Variants in KAT6B observed in about 807,000 individuals in gnomAD.
The protein encoded by KAT6B is histone acetyltransferase KAT6B.
KAT6B carries 10 observed loss-of-function variants against 187.5 expected under a neutral mutation model. The observed-to-expected ratio is 0.05, with a 90% CI of 0.03 to 0.09. The LOEUF (loss-of-function observed/expected upper bound fraction) is 0.09. KAT6B is among the 10% of genes least tolerant of loss of function. The pLI is 1.00. For missense variants in KAT6B, 1,952 were observed against 2,558.9 expected, an observed-to-expected ratio of 0.76 and a Z score of 5.12; for synonymous variants, 861 against 926.8, an observed-to-expected ratio of 0.93 and a Z score of 1.29.
At chr10:74,986,581 A>C (rs1385844453) in intron 12 of KAT6B, among the ~76,000 whole-genome samples, 1 of 152,242 alleles carries the variant, frequency 6.6e-6, no homozygotes, top group Non-Finnish European at 1.5e-5. Context: ...ATTCATGGAA[A>C]ACTGTCTCAG....
chr10:74,873,049 T>C (rs892568391), intron 3 of KAT6B, among the ~76,000 whole-genome samples: 7 of 152,178 alleles, frequency 4.6e-5, no homozygotes, highest in African/African-American at 1.7e-4. Context: ...TCTTTACAAC[T>C]TATTCTCAAA....
At chr10:75,010,149 G>T (rs1458473579) in intron 13 of KAT6B, among the ~76,000 whole-genome samples, 1 of 152,138 alleles carries the variant, frequency 6.6e-6, no homozygotes, top group Non-Finnish European at 1.5e-5. Flanking sequence ...TAACCCTGGG[G>T]GGACACAACC....
At chr10:75,018,785 C>G (rs1412052615) in intron 13 of KAT6B, among the ~76,000 whole-genome samples, 1 of 152,124 alleles carries the variant, frequency 6.6e-6, no homozygotes, top group African/African-American at 2.4e-5. Context: ...AGTAGAGGAC[C>G]TGGGGACTTT....
chr10:74,952,084 G>A (rs1374990809), intron 3 of KAT6B, among the ~76,000 whole-genome samples: 1 of 152,204 alleles, frequency 6.6e-6, no homozygotes, highest in Non-Finnish European at 1.5e-5. Context: ...GCCGAGCACA[G>A]TGGCTCACAT....
intron 3 of KAT6B, among the ~76,000 whole-genome samples, chr10:74,868,767 T>G (rs767967248): frequency 6.6e-6 from 1 of 152,202 alleles, no homozygotes; most frequent in South Asian, 2.1e-4. Context: ...CGTTTATATA[T>G]GCTCTTTCAT....
At chr10:74,852,027 T>C (rs899426341) in intron 3 of KAT6B, among the ~76,000 whole-genome samples, 5 of 152,196 alleles carry the variant, frequency 3.3e-5, no homozygotes, top group African/African-American at 1.2e-4. Flanking sequence ...GTCCATATTG[T>C]TCTTTGATGT....
upstream of KAT6B, among the ~76,000 whole-genome samples, chr10:74,826,058 C>G (rs1277223397): frequency 6.6e-6 from 1 of 151,998 alleles, no homozygotes; most frequent in Admixed American, 6.5e-5. Flanking sequence ...GCGCGCCCGC[C>G]CGCGCCCACC....
chr10:74,952,846 ATTTTTT>A (rs34687036), intron 3 of KAT6B, among the ~76,000 whole-genome samples: 19 of 90,538 alleles, frequency 2.1e-4, no homozygotes, highest in African/African-American at 6.1e-4. Flanking sequence ...TGCCTGGCTA[ATTTTTT>A]TTTTTTTTTT....
At chr10:74,973,455 A>G (rs1428063500) in intron 7 of KAT6B, among the ~76,000 whole-genome samples, 3 of 152,198 alleles carry the variant, frequency 2.0e-5, no homozygotes, top group Non-Finnish European at 4.4e-5. Context: ...CCAACAGACT[A>G]CCACCATCTT....
At chr10:75,021,325 A>G (rs1355657172) in intron 15 of KAT6B, 40 bp downstream of exon 15, 2 of 1,599,296 alleles carry the variant, frequency 1.3e-6, no homozygotes, top group African/African-American at 1.3e-5. Flanking sequence ...TGTAACTTCA[A>G]TCTTGTAGCA....
At chr10:74,866,303 G>A (rs1212295456) in intron 3 of KAT6B, among the ~76,000 whole-genome samples, 1 of 151,628 alleles carries the variant, frequency 6.6e-6, no homozygotes, top group Non-Finnish European at 1.5e-5. Flanking sequence ...ATGGTGAAGT[G>A]TCTTGATGTT....
intron 13 of KAT6B, among the ~76,000 whole-genome samples, chr10:75,010,116 C>T (rs762562614): frequency 2.0e-5 from 3 of 152,236 alleles, no homozygotes; most frequent in Non-Finnish European, 4.4e-5. Context: ...TTGTGCTGCA[C>T]AGCTTCAGAG....
At chr10:74,951,770 C>T (rs988444745) in intron 3 of KAT6B, among the ~76,000 whole-genome samples, 1 of 152,168 alleles carries the variant, frequency 6.6e-6, no homozygotes, top group African/African-American at 2.4e-5. Flanking sequence ...ACCCACCTTG[C>T]CATTGATGGT....
intron 3 of KAT6B, among the ~76,000 whole-genome samples, chr10:74,848,204 CCT>C (rs1730722745): frequency 6.6e-6 from 1 of 152,212 alleles, no homozygotes; most frequent in African/African-American, 2.4e-5. Context: ...TAGGCATGAG[CCT>C]CTGTGCCTGG....
chr10:74,956,219 T>A (rs1840684962), intron 3 of KAT6B, among the ~76,000 whole-genome samples: 1 of 152,184 alleles, frequency 6.6e-6, no homozygotes. Context: ...CAATTTGGAT[T>A]TGCCTGATTG....
At chr10:74,883,875 T>C (rs974968740) in intron 3 of KAT6B, among the ~76,000 whole-genome samples, 1 of 152,206 alleles carries the variant, frequency 6.6e-6, no homozygotes, top group African/African-American at 2.4e-5. Context: ...GGGAAAAACT[T>C]TTCTATTGAG....
chr10:74,987,678 C>T (rs886182225), intron 12 of KAT6B, among the ~76,000 whole-genome samples: 3 of 152,198 alleles, frequency 2.0e-5, no homozygotes, highest in African/African-American at 4.8e-5. Flanking sequence ...TTATTTTATT[C>T]ATAGCTTAGA....
intron 17 of KAT6B, among the ~76,000 whole-genome samples, chr10:75,027,570 T>G (rs1845962632): frequency 6.6e-6 from 1 of 151,878 alleles, no homozygotes; most frequent in Admixed American, 6.6e-5. Flanking sequence ...GGGTGCTTCA[T>G]GCATATATTT....
Position 74,975,609 on chromosome 10 carries a change from A to G in KAT6B, c.1272A>G (p.Thr424=). Residue 424 remains threonine, a synonymous_variant, in exon 8 of 18, where the codon ACA becomes ACG. Coordinates refer to ENST00000287239, the MANE Select transcript of KAT6B (RefSeq NM_012330.4). Reference sequence around the variant, plus strand: ...CCTCCACCTACATTTCTGCCTCTACACTTAAAGTTAACAAGAAAACCAAAG... The same window carrying G: ...CCTCCACCTACATTTCTGCCTCTACGCTTAAAGTTAACAAGAAAACCAAAG... ...TTTSTYISAS[T]LKVNKKTKGL... 1.2e-6 allele frequency: 2 copies of G among 1,614,112 alleles called. No individual in the cohort carries two copies. The highest frequency in any genetic ancestry group is 1.7e-6 in the Non-Finnish European group (2 of 1,180,024).
Sources: gnomAD v4.1 joint callset for allele counts (sites outside exome capture counted in the v4.1 genomes callset) on GRCh38, gnomAD v4.1.1 for gene constraint, MANE v1.5 for transcripts, NCBI Gene and HGNC (gene_info 2026-07-23, HGNC 2026-07-21) for gene names.